KIF21A: variants seen among roughly 807,000 people sequenced by gnomAD.
KIF21A encodes the protein kinesin-like protein KIF21A.
In KIF21A, 114 loss-of-function variants were observed where a neutral mutation model predicts 202.9. The observed-to-expected ratio is 0.56, with a 90% CI of 0.48 to 0.66. The LOEUF is 0.66. Among genes scored for constraint, KIF21A ranks in the 30% least tolerant of loss-of-function variants. The pLI is 0.00. For missense variants in KIF21A, 1,677 were observed against 1,994.9 expected (o/e 0.84, Z 3.04); for synonymous variants, 667 against 670.8 (o/e 0.99, Z 0.09).
intron 24 of KIF21A, among the ~76,000 whole-genome samples, chr12:39,327,728 T>C (rs922379073): frequency 1.3e-5 from 2 of 152,312 alleles, no homozygotes; most frequent in Non-Finnish European, 2.9e-5. Flanking sequence ...TCAGGCCCTC[T>C]TCAGGACCAA....
At chr12:39,414,953 G>A (rs1416019326) in intron 1 of KIF21A, among the ~76,000 whole-genome samples, 3 of 148,334 alleles carry the variant, frequency 2.0e-5, no homozygotes, top group Non-Finnish European at 3.0e-5. Context: ...AATGGAATGG[G>A]TTTATCAGAG....
chr12:39,295,649 T>C (rs2136988300), intron 37 of KIF21A, among the ~76,000 whole-genome samples: 1 of 151,272 alleles, frequency 6.6e-6, no homozygotes, highest in South Asian at 2.1e-4. Context: ...ACTCAACAAA[T>C]GTTTACTGAG....
chr12:39,346,321 T>G, intron 12 of KIF21A, 145 bp downstream of exon 12: 1 of 429,770 alleles, frequency 2.3e-6, no homozygotes, highest in Non-Finnish European at 3.9e-6. Flanking sequence ...GTGTTCTTGT[T>G]AGTTTTATAA....
rs1942976934 is a variant in KIF21A, at chr12:39,301,696, G to A, written c.4732-17C>T. On this transcript the variant is annotated splice_polypyrimidine_tract_variant and intron_variant, in intron 36 of 37. Transcript: ENST00000361418. ...TGGAACTTGCTAAAAGAAAAAAAGT[G>A]AAATCAGCAGCTTAAGGAGAGCTTC... The A allele has an allele frequency of 6.2e-7, 1 of 1,607,464 alleles. No individual in the cohort carries two copies. Among genetic ancestry groups the A allele is most frequent in the Non-Finnish European group, 8.5e-7 (1 of 1,174,004 alleles).
chr12:39,309,161 ATC>A (rs1943765057), intron 33 of KIF21A, among the ~76,000 whole-genome samples: 2 of 152,234 alleles, frequency 1.3e-5, no homozygotes, highest in African/African-American at 4.8e-5. Flanking sequence ...CAGCTTTTCA[ATC>A]TCTGTTAATT....
rs1566265662 is a variant in KIF21A, at chr12:39,416,661, A to ATATATATGTACATATATATGTGTG, written c.44+26265_44+26266insCACACATATATATGTACATATATA. Among the ~76,000 whole-genome samples the ATATATATGTACATATATATGTGTG allele has an allele frequency of 1.2e-4, 12 of 103,560 alleles. 1 individual carries two copies. The highest frequency in any genetic ancestry group is 8.3e-4 in the South Asian group (3 of 3,604). The allele number at this position is 103,560 out of a possible 152,430, so 67.9% of individuals were successfully genotyped here. A position where few individuals can be genotyped will look rare whatever the true frequency, so the allele number is the denominator to read the frequency against. On this transcript the variant is annotated intron_variant, in intron 1 of 37. Coordinates refer to ENST00000361418, the MANE Select transcript of KIF21A (RefSeq NM_001173464.2). ...TATATATATGTACATATATATGTGT[A>ATATATATGTACATATATATGTGTG]TATATATATGTACATATATATGTGT...
intron 1 of KIF21A, among the ~76,000 whole-genome samples, chr12:39,412,163 A>C (rs73088808): frequency 0.011 from 1,665 of 152,320 alleles, 39 homozygotes; most frequent in African/African-American, 0.036. Flanking sequence ...CGTTTTTAAC[A>C]TCCAAAGAAC....
chr12:39,381,835 G>T (rs1000292223), intron 1 of KIF21A, among the ~76,000 whole-genome samples: 2 of 152,126 alleles, frequency 1.3e-5, no homozygotes, highest in Non-Finnish European at 2.9e-5. Context: ...AATCATCCTG[G>T]GTGGGCCTGA....
Position 39,341,522 on chromosome 12 carries a change from G to T in KIF21A, c.1904C>A (p.Ser635Tyr). Reference sequence around the variant, plus strand: ...GCAAGTACCTTTTTCATCTGATTCAGAATCTGATTCATCAGAACTTTCACC... The same window carrying T: ...GCAAGTACCTTTTTCATCTGATTCATAATCTGATTCATCAGAACTTTCACC... ...DGGESSDESD[S>Y]ESDEKANYQA... Residue 635 changes from serine (S) to tyrosine (Y), a missense_variant, in exon 14 of 38, where the codon TCT becomes TAT. This residue lies in a region of KIF21A where 966 missense variants were observed against 1,180.9 expected (regional missense o/e 0.82). Transcript: ENST00000361418. The T allele has an allele frequency of 6.2e-7, 1 of 1,612,910 alleles. No homozygotes were observed.
At chr12:39,432,200 A>T (rs1938020076) in intron 1 of KIF21A, among the ~76,000 whole-genome samples, 1 of 152,232 alleles carries the variant, frequency 6.6e-6, no homozygotes, top group African/African-American at 2.4e-5. Flanking sequence ...GCTTGGAATA[A>T]TGTGCTGGGA....
At chr12:39,408,791 G>T (rs1296959596) in intron 1 of KIF21A, among the ~76,000 whole-genome samples, 1 of 150,952 alleles carries the variant, frequency 6.6e-6, no homozygotes, top group Admixed American at 6.6e-5. Context: ...TGTGGCAGAA[G>T]CAATAGTTGT....
intron 37 of KIF21A, among the ~76,000 whole-genome samples, chr12:39,299,112 C>G (rs938688884): frequency 2.6e-5 from 4 of 151,818 alleles, no homozygotes; most frequent in African/African-American, 9.7e-5. Flanking sequence ...ACTGAGTAAG[C>G]TGAGAAAAAG....
chr12:39,333,536 G>T (rs909312324), intron 17 of KIF21A, among the ~76,000 whole-genome samples: 3 of 151,926 alleles, frequency 2.0e-5, no homozygotes, highest in Non-Finnish European at 4.4e-5. Flanking sequence ...TGATACATTT[G>T]GTGCTTACTA....
In KIF21A at chr12:39,442,558, C is replaced by G. The variant is rs960444984; in HGVS notation, c.44+369G>C. On this transcript the variant is annotated intron_variant, in intron 1 of 37. Transcript: ENST00000361418. This position sits in a 1 kb window ranked among gnomAD's most constrained non-coding sequence, Gnocchi z 5.0. ...ACACCACAGCCCCGCGCACAGGCAG[C>G]TCCTCCCGGACAGGCGATAGCCCAA... is the stretch of plus-strand genomic sequence containing the variant. 2.0e-5 allele frequency among the ~76,000 whole-genome samples: 3 copies of G among 152,214 alleles called. No homozygotes were observed. The highest frequency in any genetic ancestry group is 2.9e-5 in the Non-Finnish European group (2 of 68,024).
chr12:39,442,915 G>A lies in KIF21A; in HGVS notation c.44+12C>T. ...CGCCGCCCGCCGCCCGCCGCCGGCA[G>A]ACTGTCCTCACCTGACAGCCACCCG... is the stretch of plus-strand genomic sequence containing the variant. On this transcript the variant is annotated intron_variant, in intron 1 of 37. Coordinates refer to ENST00000361418, the MANE Select transcript of KIF21A (RefSeq NM_001173464.2). This position sits in a 1 kb window ranked among gnomAD's most constrained non-coding sequence, Gnocchi z 5.0. 1 of 1,524,816 alleles carries A rather than the reference G, an allele frequency of 6.6e-7. No individual in the cohort carries two copies. The highest frequency in any genetic ancestry group is 8.8e-7 in the Non-Finnish European group (1 of 1,142,808). 94.5% of individuals were successfully genotyped at this position (1,524,816 alleles called of 1,614,324 possible). A position where few individuals can be genotyped will look rare whatever the true frequency, so the allele number is the denominator to read the frequency against.
At chr12:39,436,279 G>C (rs1938671535) in intron 1 of KIF21A, among the ~76,000 whole-genome samples, 1 of 151,562 alleles carries the variant, frequency 6.6e-6, no homozygotes, top group African/African-American at 2.4e-5. Flanking sequence ...TACTAGTCAT[G>C]TGACCTCAAT....
chr12:39,324,974 A>T (rs758299969), intron 26 of KIF21A, among the ~76,000 whole-genome samples: 39 of 152,206 alleles, frequency 2.6e-4, no homozygotes, highest in Non-Finnish European at 1.3e-4. Flanking sequence ...ATGCTACCAC[A>T]TTCAACCTGA....
intron 1 of KIF21A, among the ~76,000 whole-genome samples, chr12:39,414,951 G>A (rs1431197535): frequency 6.8e-6 from 1 of 148,102 alleles, no homozygotes; most frequent in African/African-American, 2.5e-5. Flanking sequence ...TTAATGGAAT[G>A]GGTTTATCAG....
intron 1 of KIF21A, among the ~76,000 whole-genome samples, chr12:39,378,287 G>GT (rs1555182611): frequency 4.6e-5 from 7 of 152,150 alleles, no homozygotes; most frequent in Non-Finnish European, 1.0e-4. Flanking sequence ...GAGGAAACCA[G>GT]TATCATTCAC....
Sources: allele counts gnomAD v4.1 joint callset (sites outside exome capture counted in the v4.1 genomes callset), GRCh38; gene constraint gnomAD v4.1.1; regional missense constraint gnomAD v4.1.1; non-coding constraint Gnocchi (gnomAD v3.1); transcripts MANE v1.5; gene names NCBI Gene and HGNC (gene_info 2026-07-23, HGNC 2026-07-21).